Variants in CNTN4 observed in about 807,000 individuals in gnomAD.
CNTN4 encodes contactin-4.
Under a neutral mutation model 122.5 loss-of-function variants are expected in CNTN4, and 77 were observed. The observed-to-expected ratio is 0.63, with a 90% CI of 0.52 to 0.76. The LOEUF is 0.76. Ranked by LOEUF, CNTN4 falls within the 30% of genes least tolerant of loss-of-function variation. The pLI, the probability that CNTN4 is intolerant of heterozygous loss-of-function variation, is 0.00. For synonymous variants in CNTN4, 512 were observed against 447.0 expected, an observed-to-expected ratio of 1.15 and a Z score of -1.83; for missense variants, 1,256 against 1,259.1, an observed-to-expected ratio of 1.00 and a Z score of 0.04.
intron 3 of CNTN4, among the ~76,000 whole-genome samples, chr3:2,479,520 G>A (rs2075926291): frequency 1.3e-5 from 2 of 152,154 alleles, no homozygotes; most frequent in African/African-American, 4.8e-5. Flanking sequence ...CTTAAGCGGG[G>A]AAGGGAACCA....
intron 9 of CNTN4, among the ~76,000 whole-genome samples, chr3:2,886,287 C>A (rs891732849): frequency 1.3e-5 from 2 of 151,412 alleles, no homozygotes; most frequent in Non-Finnish European, 2.9e-5. Flanking sequence ...GTCCTAGCTA[C>A]TTGGGAGGCT....
chr3:2,510,647 T>G (rs2076860247), intron 3 of CNTN4, among the ~76,000 whole-genome samples: 1 of 152,274 alleles, frequency 6.6e-6, no homozygotes, highest in Non-Finnish European at 1.5e-5. Context: ...CATAAACAAA[T>G]GTCTTCCGGG....
intron 3 of CNTN4, among the ~76,000 whole-genome samples, chr3:2,393,855 A>C (rs1325333283): frequency 6.6e-6 from 1 of 152,104 alleles, no homozygotes; most frequent in African/African-American, 2.4e-5. Flanking sequence ...AGGAATCACT[A>C]TTGCTACTAC....
At chr3:2,862,168 C>G (rs181248827) in intron 7 of CNTN4, among the ~76,000 whole-genome samples, 90 of 152,306 alleles carry the variant, frequency 5.9e-4, no homozygotes, top group African/African-American at 2.1e-3. Flanking sequence ...AAACTGACAT[C>G]TTTGCCACTA....
intron 3 of CNTN4, among the ~76,000 whole-genome samples, chr3:2,527,157 T>A (rs1219120749): frequency 1.3e-5 from 2 of 152,172 alleles, no homozygotes; most frequent in Non-Finnish European, 2.9e-5. Flanking sequence ...TGAGCAGAGA[T>A]CTTAGCCATG....
intron 7 of CNTN4, chr3:2,866,360 A>G (rs1473891619): frequency 2.3e-6 from 1 of 431,202 alleles, no homozygotes; most frequent in Non-Finnish European, 3.3e-6. Flanking sequence ...TGATCTAAAT[A>G]GTTTCCAGGG....
intron 4 of CNTN4, among the ~76,000 whole-genome samples, chr3:2,600,008 CTTTTTTTTTTTTT>C (rs71058630): frequency 1.7e-4 from 7 of 41,746 alleles, no homozygotes; most frequent in East Asian, 1.1e-3. Context: ...TGGAATTCTT[CTTTTTTTTTTTTT>C]TTTTTTTTTT....
chr3:2,916,181 CT>C (rs1014765217), intron 12 of CNTN4, among the ~76,000 whole-genome samples: 6 of 151,612 alleles, frequency 4.0e-5, no homozygotes, highest in Middle Eastern at 3.4e-3. Context: ...ATGTTATGTA[CT>C]TTTTTTTTCT....
intron 4 of CNTN4, among the ~76,000 whole-genome samples, chr3:2,670,464 C>G (rs1281010622): frequency 6.6e-6 from 1 of 152,112 alleles, no homozygotes; most frequent in Admixed American, 6.5e-5. Flanking sequence ...TCCTCCATCC[C>G]TTTACTTTGA....
chr3:2,545,094 G>A (rs775041556), intron 3 of CNTN4, among the ~76,000 whole-genome samples: 1 of 152,038 alleles, frequency 6.6e-6, no homozygotes, highest in Non-Finnish European at 1.5e-5. Flanking sequence ...TAGTTTCAAA[G>A]AATTTCTTGA....
At chr3:2,614,704 G>A (rs1378862486) in intron 4 of CNTN4, among the ~76,000 whole-genome samples, 1 of 152,078 alleles carries the variant, frequency 6.6e-6, no homozygotes, top group South Asian at 2.1e-4. Context: ...GAGAGAGCAG[G>A]CAGAATTGAG....
At chr3:2,549,416 T>C (rs1242113235) in intron 3 of CNTN4, among the ~76,000 whole-genome samples, 1 of 152,206 alleles carries the variant, frequency 6.6e-6, no homozygotes, top group Non-Finnish European at 1.5e-5. Flanking sequence ...TGAAGAGGTG[T>C]TGAATTTTAT....
chr3:2,120,376 T>TAA (rs2033656428), intron 2 of CNTN4, among the ~76,000 whole-genome samples: 6 of 39,506 alleles, frequency 1.5e-4, no homozygotes, highest in East Asian at 5.2e-4. Context: ...TATATATAAA[T>TAA]ATATATATAT....
intron 4 of CNTN4, among the ~76,000 whole-genome samples, chr3:2,614,385 C>G (rs1208977246): frequency 6.6e-6 from 1 of 152,016 alleles, no homozygotes; most frequent in East Asian, 1.9e-4. Flanking sequence ...AATATAATGG[C>G]AAGTCATTGG....
At chr3:2,330,710 A>T (rs950937776) in intron 2 of CNTN4, among the ~76,000 whole-genome samples, 2 of 152,182 alleles carry the variant, frequency 1.3e-5, no homozygotes, top group African/African-American at 2.4e-5. Flanking sequence ...TCTGGACTCA[A>T]TCATTACTCT....
chr3:2,747,817 G>A (rs929543038), intron 6 of CNTN4, among the ~76,000 whole-genome samples: 1 of 152,108 alleles, frequency 6.6e-6, no homozygotes, highest in Admixed American at 6.6e-5. Context: ...AATTCATCAC[G>A]AGGCACCCTG....
intron 15 of CNTN4, among the ~76,000 whole-genome samples, chr3:3,028,008 A>G (rs1698872747): frequency 6.6e-6 from 1 of 152,164 alleles, no homozygotes; most frequent in Non-Finnish European, 1.5e-5. Context: ...GCACAACCAC[A>G]TGTGAGATCT....
intron 6 of CNTN4, among the ~76,000 whole-genome samples, chr3:2,787,644 A>T (rs1177427923): frequency 6.6e-6 from 1 of 152,154 alleles, no homozygotes; most frequent in Non-Finnish European, 1.5e-5. Context: ...CAGCTATTTA[A>T]CCACAGTCAC....
chr3:2,318,027 A>G (rs948940542), intron 2 of CNTN4, among the ~76,000 whole-genome samples: 4 of 152,062 alleles, frequency 2.6e-5, no homozygotes, highest in Non-Finnish European at 4.4e-5. Context: ...TTAATCTTAG[A>G]TGGCATGATT....
Sources: allele counts gnomAD v4.1 joint callset (sites outside exome capture counted in the v4.1 genomes callset), GRCh38; gene constraint gnomAD v4.1.1; transcripts MANE v1.5; gene names NCBI Gene and HGNC (gene_info 2026-07-23, HGNC 2026-07-21).